The following GMEB2 variants were observed in gnomAD, a reference collection of about 807,000 sequenced individuals.
GMEB2 encodes the protein glucocorticoid modulatory element binding protein 2.
GMEB2 carries 7 observed loss-of-function variants against 45.7 expected under a neutral mutation model. The observed-to-expected ratio is 0.15, with a 90% confidence interval of 0.09 to 0.29. The LOEUF is 0.29. GMEB2 is among the 10% of genes least tolerant of loss of function. The pLI is 1.00. For missense variants in GMEB2, 582 were observed against 739.2 expected (o/e 0.79, Z 2.47); for synonymous variants, 322 against 323.6 (o/e 1.00, Z 0.05).
intron 2 of GMEB2, among the ~76,000 whole-genome samples, chr20:63,606,117 T>C (rs2089517064): frequency 6.6e-6 from 1 of 152,128 alleles, no homozygotes; most frequent in Non-Finnish European, 1.5e-5. Flanking sequence ...TACAAAATTT[T>C]AGAAGAAAAG....
chr20:63,600,455 C>A (rs576451388), intron 4 of GMEB2, among the ~76,000 whole-genome samples: 4 of 151,714 alleles, frequency 2.6e-5, no homozygotes, highest in African/African-American at 9.7e-5. Flanking sequence ...CGGTGGCTCA[C>A]GCCTGTAATC....
chr20:63,625,361 C>T (rs952257512), intron 1 of GMEB2, among the ~76,000 whole-genome samples: 8 of 151,850 alleles, frequency 5.3e-5, no homozygotes, highest in Non-Finnish European at 1.5e-5. Flanking sequence ...TTGGTAGAGA[C>T]GGGGTTTCAT....
At chr20:63,615,309 C>T (rs2089600360) in intron 2 of GMEB2, among the ~76,000 whole-genome samples, 3 of 152,018 alleles carry the variant, frequency 2.0e-5, no homozygotes, top group African/African-American at 4.8e-5. Context: ...AGCCACTTTG[C>T]GGGGAAAGAA....
intron 2 of GMEB2, among the ~76,000 whole-genome samples, chr20:63,613,260 T>C (rs535084523): frequency 1.3e-5 from 2 of 152,292 alleles, no homozygotes; most frequent in South Asian, 2.1e-4. Flanking sequence ...TCTTTTAACA[T>C]CCTAGAAAAA....
chr20:63,590,412 C>T lies in GMEB2; in HGVS notation c.1270G>A (p.Ala424Thr), dbSNP rs1422355393. Reference protein sequence around the residue: ...SLQAPPASSPASPLLGGYTVL... With the variant: ...SLQAPPASSPTSPLLGGYTVL... ...GTGTATCCCCCGAGCAGCGGGGAGG[C>T]CGGGGAGCTGGCGGGGGGCGCCTGA... The change falls in exon 10 of 10, where the codon GCC (alanine) becomes ACC (threonine). Residue 424 changes from alanine (A) to threonine (T), a missense_variant. Around this residue, in one of 3 missense-constraint regions of GMEB2, gnomAD observed 462 missense variants for 586.7 expected, o/e 0.79. Coordinates refer to ENST00000370077, the MANE Select transcript of GMEB2 (RefSeq NM_012384.5). 1 of 1,574,558 alleles carries T rather than the reference C, an allele frequency of 6.4e-7. No homozygotes were observed. The highest frequency in any genetic ancestry group is 8.7e-7 in the Non-Finnish European group (1 of 1,154,572).
rs1211588968 is a variant in GMEB2, at chr20:63,587,751, C to T, written c.*2338G>A. ...CACCCTCTGCAAAATCCAATCCAAT[C>T]CTATCTTCTCAGAAAACCAAACCAA... On this transcript the variant is annotated 3_prime_UTR_variant, in exon 10 of 10. Transcript: ENST00000370077. 3 of 152,440 alleles carry T rather than the reference C, an allele frequency of 2.0e-5. No individual in the cohort carries two copies. Among genetic ancestry groups the T allele is most frequent in the African/African-American group, 7.2e-5 (3 of 41,464 alleles). The allele number at this position is 152,440 out of a possible 1,614,324, so 9.4% of individuals were successfully genotyped here.
intron 4 of GMEB2, among the ~76,000 whole-genome samples, chr20:63,600,814 C>T (rs1055584822): frequency 3.3e-5 from 5 of 150,218 alleles, no homozygotes; most frequent in Admixed American, 6.6e-5. Flanking sequence ...CAGGTATTAA[C>T]GTAGGCTGTC....
chr20:63,589,895 G>A lies in GMEB2; in HGVS notation c.*194C>T, dbSNP rs1301854685. 11 of 436,460 alleles carry A rather than the reference G, an allele frequency of 2.5e-5. No homozygotes were observed. The Admixed American group carries it at 2.9e-4, about 11-fold the overall frequency. The allele number at this position is 436,460 out of a possible 1,614,324, so 27.0% of individuals were successfully genotyped here. On this transcript the variant is annotated 3_prime_UTR_variant, in exon 10 of 10. Coordinates refer to ENST00000370077, the MANE Select transcript of GMEB2 (RefSeq NM_012384.5). ...GGAGGAAACGTGGGACCTGAAGACCGATTTTCCAGGTTGCTCTCGCTGTTC... is the reference window on the plus strand; with the variant it reads ...GGAGGAAACGTGGGACCTGAAGACCAATTTTCCAGGTTGCTCTCGCTGTTC...
rs557187243 is a variant in GMEB2 at position 63,604,880 on chromosome 20, C to T, written c.132-40G>A. On this transcript the variant is annotated intron_variant, in intron 2 of 9. Coordinates refer to ENST00000370077, the MANE Select transcript of GMEB2 (RefSeq NM_012384.5). ...GGAGGAGAGAATAGAATCAGGATCC[C>T]GGAGGGCACAACCTGCAGGGCACTA... 580 of 1,147,794 alleles carry T rather than the reference C, an allele frequency of 5.1e-4. 5 individuals carry two copies. In the South Asian group the frequency reaches 5.6e-3, roughly 11 times the overall value. 71.1% of individuals were successfully genotyped at this position (1,147,794 alleles called of 1,614,324 possible).
chr20:63,594,436 A>G (rs983739598), intron 6 of GMEB2, among the ~76,000 whole-genome samples: 6 of 152,198 alleles, frequency 3.9e-5, no homozygotes, highest in Non-Finnish European at 5.9e-5. Context: ...CAGCAGCCCA[A>G]GTGTCCTGGG....
At chr20:63,624,110 A>G (rs1050181044) in intron 1 of GMEB2, among the ~76,000 whole-genome samples, 2 of 149,644 alleles carry the variant, frequency 1.3e-5, no homozygotes, top group Non-Finnish European at 3.0e-5. Context: ...ACCCTGTCTC[A>G]GAAAAAAAAA....
chr20:63,625,101 A>C (rs2089662017), intron 1 of GMEB2, among the ~76,000 whole-genome samples: 1 of 152,226 alleles, frequency 6.6e-6, no homozygotes, highest in Non-Finnish European at 1.5e-5. Context: ...CTTTAGACAC[A>C]GAAGAAGCAC....
intron 2 of GMEB2, among the ~76,000 whole-genome samples, chr20:63,609,676 C>T (rs201505172): frequency 4.4e-5 from 1 of 22,500 alleles, no homozygotes. Flanking sequence ...TAGAAACATG[C>T]CCCTCTGACC....
intron 4 of GMEB2, among the ~76,000 whole-genome samples, chr20:63,601,950 G>T (rs1464885073): frequency 6.7e-5 from 10 of 149,028 alleles, no homozygotes; most frequent in Non-Finnish European, 1.3e-4. Context: ...GCTTCTGTGG[G>T]GCCTGTGGCT....
intron 3 of GMEB2, among the ~76,000 whole-genome samples, chr20:63,603,850 TGA>T (rs1262811008): frequency 6.7e-6 from 1 of 148,218 alleles, no homozygotes; most frequent in Non-Finnish European, 1.5e-5. Context: ...GTCAGGAGTT[TGA>T]CACCAGCCTG....
intron 4 of GMEB2, among the ~76,000 whole-genome samples, chr20:63,598,374 T>A (rs1336759152): frequency 4.3e-5 from 3 of 69,166 alleles, no homozygotes; most frequent in Non-Finnish European, 7.1e-5. Context: ...ACACACACAC[T>A]CATCTGTTTC....
Position 63,589,049 on chromosome 20 carries a change from T to TGGGGGCC in GMEB2, c.*1033_*1039dup, listed in dbSNP as rs1302206605. On this transcript the variant is annotated 3_prime_UTR_variant, in exon 10 of 10. Transcript: ENST00000370077. ...ACCAAGGGCCAGCCCAGGGGCTGCA[T>TGGGGGCC]GGGGGCCGGGGGCCAGGGAGCCAAG... is the stretch of plus-strand genomic sequence containing the variant. The TGGGGGCC allele has an allele frequency of 1.8e-5, 7 of 398,854 alleles. No homozygotes were observed. Among genetic ancestry groups the TGGGGGCC allele is most frequent in the Admixed American group, 8.8e-5 (2 of 22,724 alleles). The allele number at this position is 398,854 out of a possible 1,614,324, so 24.7% of individuals were successfully genotyped here. A position where few individuals can be genotyped will look rare whatever the true frequency, so the allele number is the denominator to read the frequency against.
Position 63,619,195 on chromosome 20 carries a change from A to C in GMEB2, c.131+72T>G. On this transcript the variant is annotated intron_variant, in intron 2 of 9. Transcript: ENST00000370077. This position sits in a 1 kb window ranked among gnomAD's most constrained non-coding sequence, Gnocchi z 4.6. ...CCTGACACTTGTCCCTTACTACGTT[A>C]ATGCCAGCTGTGCCAAGGACAGCCC... 1 of 1,409,546 alleles carries C rather than the reference A, an allele frequency of 7.1e-7. No homozygotes were observed. Among genetic ancestry groups the C allele is most frequent in the African/African-American group, 1.5e-5 (1 of 68,954 alleles). 87.3% of individuals were successfully genotyped at this position (1,409,546 alleles called of 1,614,324 possible).
At chr20:63,590,979 G>A (rs576840427) in intron 9 of GMEB2, among the ~76,000 whole-genome samples, 35 of 152,266 alleles carry the variant, frequency 2.3e-4, no homozygotes, top group African/African-American at 8.2e-4. Flanking sequence ...ACTGACCCGG[G>A]GCCTGTGTGC....
Sources: gnomAD v4.1 joint callset for allele counts (sites outside exome capture counted in the v4.1 genomes callset) on GRCh38, gnomAD v4.1.1 for gene constraint, gnomAD v4.1.1 regional missense constraint, Gnocchi (gnomAD v3.1) non-coding constraint, MANE v1.5 for transcripts, NCBI Gene and HGNC (gene_info 2026-07-23, HGNC 2026-07-21) for gene names.